Variants in MCCC1 observed in about 807,000 individuals in gnomAD.
MCCC1 encodes methylcrotonoyl-CoA carboxylase subunit alpha, mitochondrial.
In MCCC1, 64 loss-of-function variants were observed where a neutral mutation model predicts 83.8. That is an observed-to-expected ratio of 0.76 (90% CI 0.62 to 0.94). The LOEUF is 0.94. MCCC1 is among the 40% of genes least tolerant of loss of function. The pLI is 0.00. For missense variants in MCCC1, 807 were observed against 904.7 expected, an observed-to-expected ratio of 0.89 and a Z score of 1.39; for synonymous variants, 322 against 315.4, an observed-to-expected ratio of 1.02 and a Z score of -0.22.
chr3:183,058,335 C>A (rs537421504), intron 7 of MCCC1, among the ~76,000 whole-genome samples: 2 of 152,210 alleles, frequency 1.3e-5, no homozygotes, highest in East Asian at 1.9e-4. Context: ...CAAAAAAGGG[C>A]CGGGCACAGT....
At chr3:183,082,706 G>A (rs367627492) in intron 4 of MCCC1, among the ~76,000 whole-genome samples, 3 of 152,176 alleles carry the variant, frequency 2.0e-5, no homozygotes, top group East Asian at 1.9e-4. Context: ...TGGCCAGGGC[G>A]GTGGCTCACG....
intron 15 of MCCC1, among the ~76,000 whole-genome samples, chr3:183,022,892 T>G (rs1302694021): frequency 6.6e-6 from 1 of 152,184 alleles, no homozygotes; most frequent in Non-Finnish European, 1.5e-5. Flanking sequence ...ATTATTAAAA[T>G]TCATTTGCAT....
At chr3:183,030,514 C>G (rs954403340) in intron 14 of MCCC1, among the ~76,000 whole-genome samples, 1 of 152,210 alleles carries the variant, frequency 6.6e-6, no homozygotes, top group Non-Finnish European at 1.5e-5. Context: ...TCTCCCTCCT[C>G]TGAACATTTA....
At chr3:183,110,943 G>T (rs2108586833) in intron 1 of MCCC1, among the ~76,000 whole-genome samples, 1 of 152,294 alleles carries the variant, frequency 6.6e-6, no homozygotes, top group Non-Finnish European at 1.5e-5. Context: ...AAGATCAGAT[G>T]ATTGTAGGTA....
intron 8 of MCCC1, among the ~76,000 whole-genome samples, chr3:183,054,331 G>A (rs954248150): frequency 1.3e-5 from 2 of 151,764 alleles, no homozygotes; most frequent in African/African-American, 4.8e-5. Context: ...GACTACAGGC[G>A]CCTGCCACCA....
intron 11 of MCCC1, among the ~76,000 whole-genome samples, chr3:183,040,213 CA>C (rs1713964543): frequency 6.6e-6 from 1 of 151,436 alleles, no homozygotes. Context: ...GTGGCTTATC[CA>C]GAGCTCTCAA....
intron 17 of MCCC1, among the ~76,000 whole-genome samples, chr3:183,019,080 T>C (rs1025754077): frequency 1.5e-4 from 23 of 152,212 alleles, no homozygotes; most frequent in African/African-American, 5.1e-4. Context: ...TCCTAGCTCA[T>C]ACCCACTTGG....
At chr3:183,033,812 T>C (rs1277206971) in intron 14 of MCCC1, among the ~76,000 whole-genome samples, 179 bp downstream of exon 14, 1 of 152,192 alleles carries the variant, frequency 6.6e-6, no homozygotes, top group Non-Finnish European at 1.5e-5. Flanking sequence ...GCAAATACCA[T>C]CAACTCTACT....
intron 18 of MCCC1, among the ~76,000 whole-genome samples, chr3:183,015,911 G>GTTTTTTT (rs549666072): frequency 2.1e-4 from 29 of 135,466 alleles, no homozygotes; most frequent in Admixed American, 7.6e-4. Context: ...GCTTGCTTTT[G>GTTTTTTT]TTTTTTTTTT....
At chr3:183,085,738 T>C (rs1717847244) in intron 4 of MCCC1, among the ~76,000 whole-genome samples, 1 of 152,046 alleles carries the variant, frequency 6.6e-6, no homozygotes, top group Non-Finnish European at 1.5e-5. Flanking sequence ...TTCTCCCAGC[T>C]GCAAATCCAG....
At chr3:183,090,141 A>G (rs1718211355) in intron 3 of MCCC1, among the ~76,000 whole-genome samples, 1 of 152,222 alleles carries the variant, frequency 6.6e-6, no homozygotes, top group Non-Finnish European at 1.5e-5. Flanking sequence ...GTAGATGGGT[A>G]GGGTCCAGAT....
intron 13 of MCCC1, among the ~76,000 whole-genome samples, chr3:183,036,941 G>A (rs1271653069): frequency 1.3e-5 from 2 of 152,086 alleles, no homozygotes; most frequent in Non-Finnish European, 2.9e-5. Context: ...CCAAAGTGCT[G>A]GGATTACAGA....
At chr3:183,077,291 G>A (rs1488593472) in intron 4 of MCCC1, among the ~76,000 whole-genome samples, 1 of 152,140 alleles carries the variant, frequency 6.6e-6, no homozygotes, top group African/African-American at 2.4e-5. Context: ...GTAACTCTAT[G>A]TTTAACGTTT....
chr3:183,015,397 GAGAGAAGACACTACTTAACTGGCCAT>G lies in MCCC1; in HGVS notation c.*15_*40del, dbSNP rs752394015. On this transcript the variant is annotated 3_prime_UTR_variant, in exon 19 of 19. Transcript: ENST00000265594. ...GGAGGCACTTCCTCTTTTTGGTGGAGAGAGAAGACACTACTTAACTGGCCATTTCCTTGCTGGAGTTTATTCCGATT... is the reference window on the plus strand; with the variant it reads ...GGAGGCACTTCCTCTTTTTGGTGGAGTTCCTTGCTGGAGTTTATTCCGATT... 6.0e-5 allele frequency: 97 copies of G among 1,612,334 alleles called. No individual in the cohort carries two copies. In the African/African-American group the frequency reaches 7.6e-4, roughly 13 times the overall value.
Position 183,015,230 on chromosome 3 carries a change from A to T in MCCC1, c.*208T>A. On this transcript the variant is annotated 3_prime_UTR_variant, in exon 19 of 19. Coordinates refer to ENST00000265594, the MANE Select transcript of MCCC1 (RefSeq NM_020166.5). ...GCAGAAACAAACATTGGCTTCCAAT[A>T]AAAAATAATTCAACTTTATTAGTAT... The T allele has an allele frequency of 1.7e-6, 1 of 605,304 alleles. No homozygotes were observed. Among genetic ancestry groups the T allele is most frequent in the Non-Finnish European group, 2.9e-6 (1 of 344,806 alleles). The allele number at this position is 605,304 out of a possible 1,614,324, so 37.5% of individuals were successfully genotyped here. A position where few individuals can be genotyped will look rare whatever the true frequency, so the allele number is the denominator to read the frequency against.
chr3:183,086,893 C>T (rs1717934757), intron 3 of MCCC1, 105 bp from the exon 4 acceptor site: 2 of 1,015,626 alleles, frequency 2.0e-6, no homozygotes, highest in Non-Finnish European at 3.0e-6. Flanking sequence ...ATAAAAATGC[C>T]ACTCCCTCAA....
intron 1 of MCCC1, among the ~76,000 whole-genome samples, chr3:183,114,761 C>T (rs370022296): frequency 2.0e-5 from 3 of 152,242 alleles, no homozygotes; most frequent in Non-Finnish European, 2.9e-5. Flanking sequence ...AGCAAGGAAT[C>T]GTGGTGTTTT....
intron 1 of MCCC1, among the ~76,000 whole-genome samples, chr3:183,105,984 G>C (rs1261685598): frequency 6.7e-6 from 1 of 149,942 alleles, no homozygotes; most frequent in East Asian, 2.0e-4. Context: ...AGCTACTCAG[G>C]AGGTTGAAGC....
At chr3:183,035,782 C>T (rs1713528731) in intron 13 of MCCC1, among the ~76,000 whole-genome samples, 2 of 151,188 alleles carry the variant, frequency 1.3e-5, no homozygotes, top group African/African-American at 4.9e-5. Flanking sequence ...GCCTGAAATG[C>T]AAAAAGTATG....
Sources: gnomAD v4.1 joint callset for allele counts (sites outside exome capture counted in the v4.1 genomes callset) on GRCh38, gnomAD v4.1.1 for gene constraint, MANE v1.5 for transcripts, NCBI Gene and HGNC (gene_info 2026-07-23, HGNC 2026-07-21) for gene names.